The following PRKD1 variants were observed in gnomAD, a reference collection of about 807,000 sequenced individuals.
PRKD1 encodes protein kinase D1, also known as serine/threonine-protein kinase D1.
PRKD1 carries 63 observed loss-of-function variants against 95.9 expected under a neutral mutation model. That is an observed-to-expected ratio of 0.66 (90% CI 0.54 to 0.81). PRKD1 has a LOEUF of 0.81. Among genes scored for constraint, PRKD1 ranks in the 30% least tolerant of loss-of-function variants. The pLI, the probability that PRKD1 is intolerant of heterozygous loss-of-function variation, is 0.00. For missense variants in PRKD1, 1,048 were observed against 1,165.3 expected, an observed-to-expected ratio of 0.90 and a Z score of 1.47; for synonymous variants, 425 against 423.1, an observed-to-expected ratio of 1.00 and a Z score of -0.05.
intron 1 of PRKD1, among the ~76,000 whole-genome samples, chr14:29,925,990 A>C (rs1326244439): frequency 1.3e-5 from 2 of 152,180 alleles, no homozygotes; most frequent in South Asian, 2.1e-4. Flanking sequence ...AAAACGTGTC[A>C]TTTTCTTGGA....
At chr14:29,795,473 A>C (rs1889772369) in intron 1 of PRKD1, among the ~76,000 whole-genome samples, 1 of 152,056 alleles carries the variant, frequency 6.6e-6, no homozygotes, top group Non-Finnish European at 1.5e-5. Flanking sequence ...CACATAATAA[A>C]CACTATTTAA....
chr14:29,722,970 T>C (rs45450694), intron 2 of PRKD1, among the ~76,000 whole-genome samples: 2,503 of 152,156 alleles, frequency 0.016, 87 homozygotes, highest in Admixed American at 0.08. Context: ...GTGCACTTGG[T>C]AGAGATGGAC....
chr14:29,776,691 G>A (rs1014092206), intron 1 of PRKD1, among the ~76,000 whole-genome samples: 4 of 152,168 alleles, frequency 2.6e-5, no homozygotes, highest in Admixed American at 2.0e-4. Context: ...AAGTGATGGG[G>A]AGAATGGAAC....
chr14:29,701,007 C>CAT (rs1457484159), intron 2 of PRKD1, among the ~76,000 whole-genome samples: 1 of 48,932 alleles, frequency 2.0e-5, no homozygotes, highest in Admixed American at 1.9e-4. Flanking sequence ...CACACACACA[C>CAT]CCTGTTGTGT....
intron 4 of PRKD1, among the ~76,000 whole-genome samples, chr14:29,648,974 A>T (rs1881320203): frequency 6.6e-6 from 1 of 152,056 alleles, no homozygotes; most frequent in Admixed American, 6.5e-5. Flanking sequence ...TTTTATCTGC[A>T]CCCTGAAGCA....
At chr14:29,618,010 G>A (rs1176959799) in intron 13 of PRKD1, among the ~76,000 whole-genome samples, 1 of 152,134 alleles carries the variant, frequency 6.6e-6, no homozygotes, top group Non-Finnish European at 1.5e-5. Context: ...CAAGGCTGCA[G>A]CGAGCTGTGA....
chr14:29,621,151 A>G (rs1250325556), intron 13 of PRKD1, among the ~76,000 whole-genome samples: 2 of 137,098 alleles, frequency 1.5e-5, no homozygotes, highest in East Asian at 4.8e-4. Flanking sequence ...ATGAGAACAC[A>G]TGGACACAGG....
chr14:29,823,734 T>C (rs574696951), intron 1 of PRKD1, among the ~76,000 whole-genome samples: 166 of 152,322 alleles, frequency 1.1e-3, no homozygotes, highest in Non-Finnish European at 2.0e-3. Context: ...AAGTTGTTGA[T>C]AGAAGAGGAA....
chr14:29,844,942 T>C (rs1310596482), intron 1 of PRKD1, among the ~76,000 whole-genome samples: 1 of 152,156 alleles, frequency 6.6e-6, no homozygotes, highest in Non-Finnish European at 1.5e-5. Context: ...TAATTTTCCA[T>C]AATGACCATA....
chr14:29,762,538 A>G (rs1003676754), intron 1 of PRKD1, among the ~76,000 whole-genome samples: 1 of 152,216 alleles, frequency 6.6e-6, no homozygotes, highest in Non-Finnish European at 1.5e-5. Context: ...AGGCACCTGT[A>G]TAATTACTAA....
chr14:29,921,794 C>CCCA (rs917412114), intron 1 of PRKD1, among the ~76,000 whole-genome samples: 1 of 151,888 alleles, frequency 6.6e-6, no homozygotes, highest in African/African-American at 2.4e-5. Flanking sequence ...TCCAGTAACC[C>CCCA]CCACCACCAC....
chr14:29,675,577 T>C (rs1473762979), intron 2 of PRKD1, among the ~76,000 whole-genome samples: 1 of 152,176 alleles, frequency 6.6e-6, no homozygotes, highest in Admixed American at 6.5e-5. Context: ...GTGGCGATTC[T>C]TCAAGGATCT....
intron 1 of PRKD1, among the ~76,000 whole-genome samples, chr14:29,838,854 G>T (rs1221917474): frequency 2.6e-5 from 4 of 152,114 alleles, no homozygotes. Flanking sequence ...TAAGTAATGG[G>T]TTTGAAAAGA....
intron 13 of PRKD1, among the ~76,000 whole-genome samples, chr14:29,615,069 A>G (rs1257931263): frequency 6.6e-6 from 1 of 152,072 alleles, no homozygotes; most frequent in African/African-American, 2.4e-5. Context: ...AAAAGACTTT[A>G]AAGTATAAAA....
chr14:29,677,661 C>T (rs61977991), intron 2 of PRKD1, among the ~76,000 whole-genome samples: 30,719 of 152,094 alleles, frequency 0.2, 3,147 homozygotes, highest in South Asian at 0.24. Flanking sequence ...CTGCAACCTC[C>T]GCTTCCCAGG....
chr14:29,899,519 C>T lies in PRKD1; in HGVS notation c.264+27730G>A, dbSNP rs189957530. On this transcript the variant is annotated intron_variant, in intron 1 of 17. Coordinates refer to ENST00000331968, the MANE Select transcript of PRKD1 (RefSeq NM_002742.3). ...AAAATTGGCTGGGCATGGTGACCCA[C>T]GCCTATAATCCCAGCTACTCAGGAG... 9.5e-4 allele frequency among the ~76,000 whole-genome samples: 144 copies of T among 152,202 alleles called. 3 individuals are homozygous for T. Among genetic ancestry groups the T allele is most frequent in the African/African-American group, 3.3e-3 (137 of 41,526 alleles).
In PRKD1 at chr14:29,695,234, C is replaced by CAA. The variant is rs34575259; in HGVS notation, c.404-29028_404-29027dup. Among the ~76,000 whole-genome samples, 698 of 95,142 alleles carry CAA rather than the reference C, an allele frequency of 7.3e-3. 6 individuals carry two copies. The highest frequency in any genetic ancestry group is 0.024 in the African/African-American group (652 of 26,928). The allele number at this position is 95,142 out of a possible 152,430, so 62.4% of individuals were successfully genotyped here. ...GGGCAACAAGAGGGAAACTCCATCTCAAAAAAAAAAAAAAAAAAGGACTAC... is the reference window on the plus strand; with the variant it reads ...GGGCAACAAGAGGGAAACTCCATCTCAAAAAAAAAAAAAAAAAAAAGGACTAC... On this transcript the variant is annotated intron_variant, in intron 2 of 17. Transcript: ENST00000331968.
At chr14:29,728,923 C>T (rs1308210756) in intron 1 of PRKD1, among the ~76,000 whole-genome samples, 7 of 152,176 alleles carry the variant, frequency 4.6e-5, no homozygotes, top group Admixed American at 3.3e-4. Context: ...TAGTGAGAGC[C>T]TTCCAATGTC....
chr14:29,730,947 T>C lies in PRKD1; in HGVS notation c.265-5273A>G, dbSNP rs537345784. 7.9e-5 allele frequency among the ~76,000 whole-genome samples: 12 copies of C among 152,152 alleles called. 1 individual carries two copies. In the East Asian group the frequency reaches 1.7e-3, roughly 22 times the overall value. ...TATCTATTGTATAATGAGGTGACTA[T>C]AGATAATAATATTATATTGTATTTT... On this transcript the variant is annotated intron_variant, in intron 1 of 17. Coordinates refer to ENST00000331968, the MANE Select transcript of PRKD1 (RefSeq NM_002742.3).
Sources: allele counts gnomAD v4.1 joint callset (sites outside exome capture counted in the v4.1 genomes callset), GRCh38; gene constraint gnomAD v4.1.1; transcripts MANE v1.5; gene names NCBI Gene and HGNC (gene_info 2026-07-23, HGNC 2026-07-21).